ITFG2: variants seen among roughly 807,000 people sequenced by gnomAD.
The protein encoded by ITFG2 is integrin alpha FG-GAP repeat containing 2.
A neutral mutation model predicts 54.4 loss-of-function variants in ITFG2; 36 were observed. The ratio of observed to expected loss-of-function variants is 0.66; its 90% confidence interval spans 0.51 to 0.87. The LOEUF is 0.87. ITFG2 is among the 40% of genes least tolerant of loss of function. The probability of loss-of-function intolerance (pLI) is 0.00; values close to 1 mark genes in which losing one functional copy is unlikely to be tolerated. For missense variants in ITFG2, 524 were observed against 576.7 expected, an observed-to-expected ratio of 0.91 and a Z score of 0.94; for synonymous variants, 211 against 225.4, an observed-to-expected ratio of 0.94 and a Z score of 0.57.
intron 3 of ITFG2, chr12:2,858,551 C>T (rs1005650594): frequency 8.5e-6 from 10 of 1,176,978 alleles, no homozygotes; most frequent in Non-Finnish European, 1.2e-5. Flanking sequence ...TCCCTGCCTG[C>T]TGTCCTCACT....
rs545895205 is a variant in ITFG2 at position 2,859,275 on chromosome 12, G to A, written n.621-259G>A. The A allele has an allele frequency of 8.7e-6, 14 of 1,613,736 alleles. 1 individual carries two copies. In the South Asian group the frequency reaches 1.5e-4, roughly 18 times the overall value. ...CAGCTCCGGCTCATCCACACAGGGA[G>A]GCAGTAGATGCTGTTTTCTCCGAGA... is the stretch of plus-strand genomic sequence containing the variant. On this transcript the variant is annotated intron_variant and non_coding_transcript_variant, in intron 3 of 3. Coordinates refer to the ITFG2 transcript ENST00000537710.
chr12:2,858,428 G>A (rs2098096219), intron 3 of ITFG2: 1 of 540,216 alleles, frequency 1.9e-6, no homozygotes, highest in East Asian at 2.9e-5. Context: ...GCTCCTGGCA[G>A]GGACAGCAGA....
At chr12:2,857,230 G>T in intron 2 of ITFG2, 1 of 589,162 alleles carries the variant, frequency 1.7e-6, no homozygotes, top group East Asian at 2.8e-5. Flanking sequence ...CTTTCTTCAA[G>T]TTCTGACTGC....
downstream of ITFG2, chr12:2,828,035 C>A: frequency 1.2e-6 from 2 of 1,613,738 alleles, no homozygotes; most frequent in Non-Finnish European, 1.7e-6. Context: ...CTTTTAGGAC[C>A]CTTTTCTCTA....
chr12:2,832,114 A>C (rs1418739014), upstream of ITFG2, among the ~76,000 whole-genome samples: 1 of 152,012 alleles, frequency 6.6e-6, no homozygotes, highest in Non-Finnish European at 1.5e-5. Context: ...TTAAAAATGC[A>C]CTCTCATACC....
In ITFG2 at chr12:2,849,200, G is replaced by A; in HGVS notation, n.300+8205G>A. On this transcript the variant is annotated intron_variant and non_coding_transcript_variant, in intron 2 of 3. Coordinates refer to the ITFG2 transcript ENST00000537710. The stretch of plus-strand genomic sequence containing the variant: ...GAGAACACTGGAGCCTGGGGCTCTG[G>A]GTATCACGATCGTCCCCTCTGGAAG... 5.3e-6 allele frequency: 8 copies of A among 1,516,464 alleles called. 1 individual carries two copies. In the South Asian group the frequency reaches 1.0e-4, roughly 19 times the overall value. 93.9% of individuals were successfully genotyped at this position (1,516,464 alleles called of 1,614,324 possible). A position where few individuals can be genotyped will look rare whatever the true frequency, so the allele number is the denominator to read the frequency against.
chr12:2,828,630 G>A (rs937950158), downstream of ITFG2, among the ~76,000 whole-genome samples: 33 of 152,150 alleles, frequency 2.2e-4, no homozygotes, highest in African/African-American at 6.3e-4. Flanking sequence ...ACCTGAGGTC[G>A]GGAGTTCAAG....
intron 2 of ITFG2, among the ~76,000 whole-genome samples, chr12:2,844,248 C>A (rs1380432042): frequency 1.3e-5 from 2 of 151,004 alleles, no homozygotes; most frequent in Non-Finnish European, 2.9e-5. Context: ...AGAGTGAGAC[C>A]CTGTCTCAAA....
At chr12:2,827,491 G>A, downstream of ITFG2, 1 of 1,547,020 alleles carries the variant, frequency 6.5e-7, no homozygotes, top group South Asian at 1.3e-5. This position sits in a 1 kb window ranked among gnomAD's most constrained non-coding sequence, Gnocchi z 4.0. Context: ...GGTAAGTAAG[G>A]AACCTCTAAG....
At chr12:2,835,351 G>C (rs1225159919), upstream of ITFG2, 2 of 417,762 alleles carry the variant, frequency 4.8e-6, no homozygotes, top group South Asian at 1.5e-4. Flanking sequence ...TCCCTCCCAG[G>C]CTTCCCAGGA....
Position 2,822,687 on chromosome 12 carries a change from C to T in ITFG2, c.949-107C>T, listed in dbSNP as rs530539948. The T allele has an allele frequency of 4.2e-5, 38 of 898,506 alleles. No homozygotes were observed. In the African/African-American group the frequency reaches 5.0e-4, roughly 12 times the overall value. 55.7% of individuals were successfully genotyped at this position (898,506 alleles called of 1,614,324 possible). A position where few individuals can be genotyped will look rare whatever the true frequency, so the allele number is the denominator to read the frequency against. ...TGTGAGGTGGCTCATTTGACAGTTG[C>T]GTTTACTGCCGAACCCACGGGTGAA... is the stretch of plus-strand genomic sequence containing the variant. On this transcript the variant is annotated intron_variant, in intron 9 of 11. Transcript: ENST00000228799.
chr12:2,848,634 C>T (rs1166917074), intron 2 of ITFG2, among the ~76,000 whole-genome samples: 1 of 152,150 alleles, frequency 6.6e-6, no homozygotes, highest in Non-Finnish European at 1.5e-5. Flanking sequence ...CCAGCCCTGA[C>T]CTGACCTCTC....
In ITFG2 at chr12:2,824,297, G is replaced by A; in HGVS notation, c.*104G>A. On this transcript the variant is annotated 3_prime_UTR_variant, in exon 12 of 12. Coordinates refer to ENST00000228799, the MANE Select transcript of ITFG2 (RefSeq NM_018463.4). ...GATAGGGAATATGCATTACAGAAAT[G>A]CAGGATTTGACTCTGGGCATGAAAG... is the stretch of plus-strand genomic sequence containing the variant. 1 of 1,205,748 alleles carries A rather than the reference G, an allele frequency of 8.3e-7. No homozygotes were observed. The highest frequency in any genetic ancestry group is 1.2e-6 in the Non-Finnish European group (1 of 825,804). The allele number at this position is 1,205,748 out of a possible 1,614,324, so 74.7% of individuals were successfully genotyped here.
chr12:2,854,909 C>T, intron 2 of ITFG2: 1 of 1,534,310 alleles, frequency 6.5e-7, no homozygotes, highest in Non-Finnish European at 8.7e-7. Context: ...TTGAAGCTCG[C>T]TGGCGGCTGG....
At chr12:2,812,908 C>A in intron 1 of ITFG2, 52 bp downstream of exon 1, 1 of 1,496,424 alleles carries the variant, frequency 6.7e-7, no homozygotes, top group Non-Finnish European at 9.2e-7. Context: ...AGGGACGGGG[C>A]AAGGGAAGTG....
chr12:2,826,645 T>A (rs2097968665), downstream of ITFG2: 1 of 157,674 alleles, frequency 6.3e-6, no homozygotes, highest in Non-Finnish European at 1.4e-5. Flanking sequence ...TAACTCCCGC[T>A]CTTTGTTGTA....
rs1333177695 is a variant in ITFG2 at position 2,841,299 on chromosome 12, A to G, written n.300+304A>G. 6.6e-5 allele frequency among the ~76,000 whole-genome samples: 10 copies of G among 152,332 alleles called. No individual in the cohort carries two copies. The East Asian group carries it at 1.9e-3, about 29-fold the overall frequency. On this transcript the variant is annotated intron_variant and non_coding_transcript_variant, in intron 2 of 3. Coordinates refer to the ITFG2 transcript ENST00000537710. ...CCAGACCCTGGGTTCCCTCTGCAGA[A>G]CGGAGATCACGGAGTACCACTGAGT... is the stretch of plus-strand genomic sequence containing the variant.
At chr12:2,858,245 T>G (rs1192330606) in exon 3 of ITFG2, 1 of 168,352 alleles carries the variant, frequency 5.9e-6, no homozygotes, top group East Asian at 1.7e-4. Context: ...GATAATGATC[T>G]AAGGAAATAA....
At chr12:2,855,403 G>A (rs901004560) in intron 2 of ITFG2, 8 of 409,070 alleles carry the variant, frequency 2.0e-5, no homozygotes, top group Non-Finnish European at 3.9e-5. Flanking sequence ...CTCACGCTGA[G>A]CCCACGTTTG....
Sources: allele counts gnomAD v4.1 joint callset (sites outside exome capture counted in the v4.1 genomes callset), GRCh38; gene constraint gnomAD v4.1.1; non-coding constraint Gnocchi (gnomAD v3.1); transcripts MANE v1.5; gene names NCBI Gene and HGNC (gene_info 2026-07-23, HGNC 2026-07-21).